The following TRPM3 variants were observed in gnomAD, a reference collection of about 807,000 sequenced individuals.
TRPM3 encodes the protein transient receptor potential cation channel subfamily M member 3.
In TRPM3, 77 loss-of-function variants were observed where a neutral mutation model predicts 181.2. That is an observed-to-expected ratio of 0.42 (90% confidence interval 0.35 to 0.51). The LOEUF (loss-of-function observed/expected upper bound fraction) is 0.51. Ranked by LOEUF, TRPM3 falls within the 20% of genes least tolerant of loss-of-function variation. TRPM3 has a pLI of 0.01. For synonymous variants in TRPM3, 745 were observed against 796.4 expected, an observed-to-expected ratio of 0.94 and a Z score of 1.09; for missense variants, 1,759 against 2,196.7, an observed-to-expected ratio of 0.80 and a Z score of 3.98.
chr9:71,433,959 C>A (rs973609469), intron 1 of TRPM3, among the ~76,000 whole-genome samples: 1 of 152,130 alleles, frequency 6.6e-6, no homozygotes, highest in Admixed American at 6.5e-5. Context: ...AGTTCAAGGC[C>A]AGCCTGGCCA....
At chr9:70,567,732 C>G (rs1164029356) in intron 22 of TRPM3, among the ~76,000 whole-genome samples, 1 of 151,666 alleles carries the variant, frequency 6.6e-6, no homozygotes, top group Non-Finnish European at 1.5e-5. Flanking sequence ...CACTTATATC[C>G]CTTGTCGAAT....
intron 1 of TRPM3, among the ~76,000 whole-genome samples, chr9:71,256,771 C>T (rs2082701440): frequency 6.6e-6 from 1 of 151,970 alleles, no homozygotes; most frequent in African/African-American, 2.4e-5. Flanking sequence ...AGCAGGAGGC[C>T]CTTGCAAGGC....
intron 1 of TRPM3, among the ~76,000 whole-genome samples, chr9:71,346,960 A>G (rs1006381054): frequency 2.6e-5 from 4 of 152,238 alleles, no homozygotes; most frequent in African/African-American, 9.6e-5. Flanking sequence ...ACTATGAGTG[A>G]ACTCTGATGA....
chr9:71,172,539 T>G (rs2076918794), intron 1 of TRPM3, among the ~76,000 whole-genome samples: 1 of 152,112 alleles, frequency 6.6e-6, no homozygotes, highest in Admixed American at 6.6e-5. Context: ...CTCGAGTAAC[T>G]GGCACCACAA....
chr9:71,104,503 A>G (rs2069075378), intron 1 of TRPM3, among the ~76,000 whole-genome samples: 1 of 152,218 alleles, frequency 6.6e-6, no homozygotes, highest in Non-Finnish European at 1.5e-5. Flanking sequence ...AGTAATTAAT[A>G]TTATTAAACT....
intron 6 of TRPM3, among the ~76,000 whole-genome samples, chr9:70,784,550 G>A (rs1443159509): frequency 1.3e-5 from 2 of 152,124 alleles, no homozygotes; most frequent in African/African-American, 4.8e-5. Flanking sequence ...TACTTTACAG[G>A]GGAGGGCCTG....
chr9:70,879,653 G>A (rs548192001), intron 1 of TRPM3, among the ~76,000 whole-genome samples: 1 of 152,136 alleles, frequency 6.6e-6, no homozygotes, highest in Non-Finnish European at 1.5e-5. Context: ...ATAAACATCT[G>A]TTAAAATAAT....
chr9:71,201,881 T>C (rs1487419842), intron 1 of TRPM3, among the ~76,000 whole-genome samples: 3 of 152,228 alleles, frequency 2.0e-5, no homozygotes, highest in Non-Finnish European at 4.4e-5. Flanking sequence ...AGGAACTGCG[T>C]TCCTTTGGAG....
chr9:71,385,003 T>C (rs1218510759), intron 1 of TRPM3, among the ~76,000 whole-genome samples: 2 of 152,120 alleles, frequency 1.3e-5, no homozygotes, highest in Admixed American at 6.6e-5. Context: ...AATTAGAAAA[T>C]GTTGCATCTT....
chr9:70,820,768 T>C (rs1430862911), intron 6 of TRPM3, among the ~76,000 whole-genome samples: 1 of 152,068 alleles, frequency 6.6e-6, no homozygotes, highest in Non-Finnish European at 1.5e-5. Context: ...TAGGGAATTG[T>C]TATCCCTAGC....
chr9:70,603,310 T>C lies in TRPM3; in HGVS notation c.2796+32A>G, dbSNP rs748320955. On this transcript the variant is annotated intron_variant, in intron 20 of 25. Transcript: ENST00000677713. The stretch of plus-strand genomic sequence containing the variant: ...ACAGATAGAACTTAACCACTGTCTT[T>C]CTCTTACGTTTTCTTTTATAAAAGC... The C allele has an allele frequency of 3.1e-6, 5 of 1,604,928 alleles. No homozygotes were observed. The South Asian group carries it at 4.5e-5, about 14-fold the overall frequency.
intron 9 of TRPM3, among the ~76,000 whole-genome samples, chr9:70,680,087 A>G (rs1276559094): frequency 6.6e-6 from 1 of 152,202 alleles, no homozygotes; most frequent in East Asian, 1.9e-4. Context: ...ATGAATGTGC[A>G]TATATACACT....
At chr9:70,851,977 G>A (rs2095245542) in intron 3 of TRPM3, among the ~76,000 whole-genome samples, 1 of 151,092 alleles carries the variant, frequency 6.6e-6, no homozygotes, top group Admixed American at 6.6e-5. Context: ...AAATTCACTG[G>A]GTGCAGTGGC....
chr9:70,770,923 G>A (rs2080126623), intron 7 of TRPM3, among the ~76,000 whole-genome samples: 1 of 152,192 alleles, frequency 6.6e-6, no homozygotes, highest in Non-Finnish European at 1.5e-5. Flanking sequence ...CCCTATGGGG[G>A]AGATAGATTT....
rs188239841 is a variant in TRPM3, at chr9:70,663,738, C to T, written c.1345+17768G>A. On this transcript the variant is annotated intron_variant, in intron 9 of 25. Transcript: ENST00000677713. ...TTTATCTCTGGTATTAGGATGGATA[C>T]ACCCTGGCTTCTTGGAGAACTGAAT... is the stretch of plus-strand genomic sequence containing the variant. 2.0e-5 allele frequency among the ~76,000 whole-genome samples: 3 copies of T among 152,268 alleles called. No individual in the cohort carries two copies. In the East Asian group the frequency reaches 5.8e-4, roughly 29 times the overall value.
At chr9:71,387,931 G>A (rs192556146) in intron 1 of TRPM3, among the ~76,000 whole-genome samples, 140 of 152,118 alleles carry the variant, frequency 9.2e-4, no homozygotes, top group Admixed American at 3.0e-3. Flanking sequence ...ATCATATATT[G>A]TGCATATATT....
At chr9:71,237,965 A>C (rs1000874749) in intron 1 of TRPM3, among the ~76,000 whole-genome samples, 4 of 152,134 alleles carry the variant, frequency 2.6e-5, no homozygotes, top group Admixed American at 2.6e-4. Context: ...CCTACATCTT[A>C]ATACTATTGC....
rs1017001555 is a variant in TRPM3 at position 71,242,990 on chromosome 9, G to A, written c.183+203663C>T. Among the ~76,000 whole-genome samples the A allele has an allele frequency of 3.3e-4, 50 of 152,208 alleles. 1 individual carries two copies. The highest frequency in any genetic ancestry group is 3.0e-3 in the Admixed American group (46 of 15,274). ...CATTGAAATCACTGTCCCCAGTGCCGCTTAGCTCATCTGTGCCCCAGAGCC... is the reference window on the plus strand; with the variant it reads ...CATTGAAATCACTGTCCCCAGTGCCACTTAGCTCATCTGTGCCCCAGAGCC... On this transcript the variant is annotated intron_variant, in intron 1 of 24. Transcript: ENST00000357533.
intron 1 of TRPM3, among the ~76,000 whole-genome samples, chr9:71,132,799 C>T (rs1283462841): frequency 1.3e-5 from 2 of 152,074 alleles, no homozygotes; most frequent in African/African-American, 2.4e-5. Flanking sequence ...GTTTAATACA[C>T]TTATTTTACA....
Sources: gnomAD v4.1 joint callset for allele counts (sites outside exome capture counted in the v4.1 genomes callset) on GRCh38, gnomAD v4.1.1 for gene constraint, MANE v1.5 for transcripts, NCBI Gene and HGNC (gene_info 2026-07-23, HGNC 2026-07-21) for gene names.